The following NELL2 variants were observed in gnomAD, a reference collection of about 807,000 sequenced individuals.
The protein encoded by NELL2 is protein kinase C-binding protein NELL2.
A neutral mutation model predicts 109.6 loss-of-function variants in NELL2; 41 were observed. The observed-to-expected ratio is 0.37, with a 90% CI of 0.29 to 0.49. The LOEUF is 0.49. Among genes scored for constraint, NELL2 ranks in the 20% least tolerant of loss-of-function variants. The pLI, the probability that NELL2 is intolerant of heterozygous loss-of-function variation, is 0.98. For missense variants in NELL2, 900 were observed against 1,008.3 expected (o/e 0.89, Z 1.45); for synonymous variants, 355 against 344.7 (o/e 1.03, Z -0.33).
chr12:44,711,896 T>A (rs1938222006), intron 10 of NELL2, among the ~76,000 whole-genome samples: 1 of 152,104 alleles, frequency 6.6e-6, no homozygotes, highest in African/African-American at 2.4e-5. Context: ...AGGGCAGGAT[T>A]CTTGTCTCTT....
intron 2 of NELL2, among the ~76,000 whole-genome samples, chr12:44,842,185 G>A (rs191194320): frequency 8.3e-4 from 126 of 151,098 alleles, no homozygotes; most frequent in African/African-American, 3.0e-3. Context: ...GGAAGTAAGG[G>A]AAGTTGAAGG....
intron 12 of NELL2, among the ~76,000 whole-genome samples, chr12:44,667,575 C>T (rs1947968950): frequency 6.6e-6 from 1 of 152,200 alleles, no homozygotes; most frequent in Non-Finnish European, 1.5e-5. Flanking sequence ...ACAATCACCA[C>T]TAAGTAGGGT....
At chr12:44,608,905 C>CATATATAT (rs1047976713) in intron 14 of NELL2, among the ~76,000 whole-genome samples, 3 of 148,886 alleles carry the variant, frequency 2.0e-5, no homozygotes, top group African/African-American at 7.4e-5. Flanking sequence ...TATATATATA[C>CATATATAT]ATATATATAT....
At chr12:44,827,331 A>T (rs1052008935) in intron 2 of NELL2, among the ~76,000 whole-genome samples, 1 of 152,034 alleles carries the variant, frequency 6.6e-6, no homozygotes, top group Non-Finnish European at 1.5e-5. Flanking sequence ...AGTTATTTTT[A>T]AATGTACAAT....
At chr12:44,738,085 C>T (rs1939746286) in intron 9 of NELL2, among the ~76,000 whole-genome samples, 4 of 152,270 alleles carry the variant, frequency 2.6e-5, no homozygotes, top group Middle Eastern at 3.4e-3. Context: ...AGGAAGTTTT[C>T]TCTGCTCTAT....
chr12:44,676,383 A>G (rs970889208), intron 12 of NELL2, among the ~76,000 whole-genome samples: 4 of 152,148 alleles, frequency 2.6e-5, no homozygotes, highest in Non-Finnish European at 5.9e-5. Context: ...TAAAGAATAA[A>G]TTAAAATATC....
At chr12:44,736,034 G>A (rs1053224524) in intron 9 of NELL2, among the ~76,000 whole-genome samples, 35 of 131,920 alleles carry the variant, frequency 2.7e-4, no homozygotes, top group African/African-American at 7.8e-4. Flanking sequence ...TTTTTCTGAC[G>A]GAGTTTCGCT....
intron 3 of NELL2, among the ~76,000 whole-genome samples, chr12:44,791,109 GTATATATATA>G (rs1327780810): frequency 8.0e-4 from 8 of 10,038 alleles, no homozygotes; most frequent in East Asian, 2.0e-3. Flanking sequence ...ATATATATAT[GTATATATATA>G]TGTATATATA....
intron 9 of NELL2, among the ~76,000 whole-genome samples, chr12:44,743,912 A>T (rs1021994540): frequency 1.4e-4 from 22 of 152,152 alleles, no homozygotes; most frequent in African/African-American, 5.3e-4. Context: ...GTTAACAAGG[A>T]TACCCAGGAA....
intron 15 of NELL2, among the ~76,000 whole-genome samples, chr12:44,569,683 G>A (rs1483347467): frequency 6.6e-6 from 1 of 152,104 alleles, no homozygotes; most frequent in African/African-American, 2.4e-5. Flanking sequence ...TTGGCACCCA[G>A]AAATAATATG....
At chr12:44,666,940 T>TA (rs1947944265) in intron 12 of NELL2, among the ~76,000 whole-genome samples, 2 of 152,172 alleles carry the variant, frequency 1.3e-5, no homozygotes, top group South Asian at 4.1e-4. Flanking sequence ...ATAACTGCTA[T>TA]ACCTTCTCTC....
At chr12:44,717,530 G>A (rs1199606183) in intron 9 of NELL2, among the ~76,000 whole-genome samples, 1 of 152,132 alleles carries the variant, frequency 6.6e-6, no homozygotes, top group Admixed American at 6.6e-5. Flanking sequence ...GGAAACTCAG[G>A]AGACCGAACG....
intron 13 of NELL2, among the ~76,000 whole-genome samples, chr12:44,646,712 T>C (rs1947109107): frequency 6.6e-6 from 1 of 152,196 alleles, no homozygotes; most frequent in South Asian, 2.1e-4. Flanking sequence ...GCCTAGTGAA[T>C]GTGCAGTGAA....
chr12:44,621,721 T>G (rs1047626745), intron 13 of NELL2, among the ~76,000 whole-genome samples: 1 of 151,836 alleles, frequency 6.6e-6, no homozygotes, highest in Non-Finnish European at 1.5e-5. Flanking sequence ...TGCATCCACA[T>G]AGAACCTCTT....
intron 9 of NELL2, among the ~76,000 whole-genome samples, chr12:44,731,977 T>C (rs1019896335): frequency 2.0e-5 from 3 of 151,988 alleles, no homozygotes; most frequent in African/African-American, 7.2e-5. Context: ...TCATTTACAA[T>C]AGCATCAATA....
intron 2 of NELL2, among the ~76,000 whole-genome samples, chr12:44,841,407 C>G (rs966527928): frequency 2.0e-5 from 3 of 152,166 alleles, no homozygotes; most frequent in Non-Finnish European, 4.4e-5. Flanking sequence ...CTGTCCCAGA[C>G]ATAATGAATT....
intron 16 of NELL2, among the ~76,000 whole-genome samples, chr12:44,527,955 G>A (rs539342991): frequency 2.6e-5 from 4 of 151,580 alleles, no homozygotes; most frequent in African/African-American, 7.2e-5. Flanking sequence ...TTAGCCCGGC[G>A]TGGTGGCGGG....
At chr12:44,608,844 A>G (rs1945502814) in intron 14 of NELL2, among the ~76,000 whole-genome samples, 1 of 151,384 alleles carries the variant, frequency 6.6e-6, no homozygotes, top group Non-Finnish European at 1.5e-5. Flanking sequence ...GCATTTCAAG[A>G]TCCCCAGTGG....
chr12:44,580,229 G>A (rs950548784), intron 15 of NELL2, among the ~76,000 whole-genome samples: 3 of 152,030 alleles, frequency 2.0e-5, no homozygotes, highest in African/African-American at 7.2e-5. Context: ...TCATTTTTCT[G>A]TTATGGGTTC....
Sources: allele counts gnomAD v4.1 joint callset (sites outside exome capture counted in the v4.1 genomes callset), GRCh38; gene constraint gnomAD v4.1.1; transcripts MANE v1.5; gene names NCBI Gene and HGNC (gene_info 2026-07-23, HGNC 2026-07-21).